The following KHDRBS2 variants were observed in gnomAD, a reference collection of about 807,000 sequenced individuals.
KHDRBS2 encodes the protein KH domain-containing, RNA-binding, signal transduction-associated protein 2.
In KHDRBS2, 26 loss-of-function variants were observed where a neutral mutation model predicts 44.3. The observed-to-expected ratio is 0.59, with a 90% confidence interval of 0.43 to 0.81. The LOEUF (loss-of-function observed/expected upper bound fraction) is 0.81. Among genes scored for constraint, KHDRBS2 ranks in the 40% least tolerant of loss-of-function variants. The probability of loss-of-function intolerance (pLI) is 0.00; values close to 1 mark genes in which losing one functional copy is unlikely to be tolerated. For synonymous variants in KHDRBS2, 194 were observed against 151.1 expected, an observed-to-expected ratio of 1.28 and a Z score of -2.08; for missense variants, 476 against 433.1, an observed-to-expected ratio of 1.10 and a Z score of -0.88.
chr6:62,138,708 A>G (rs1416411547), intron 2 of KHDRBS2, among the ~76,000 whole-genome samples: 1 of 152,232 alleles, frequency 6.6e-6, no homozygotes, highest in Non-Finnish European at 1.5e-5. Context: ...ATGAACTAGA[A>G]TTTATGAACC....
At chr6:61,955,710 A>ACATG (rs1554292569) in intron 4 of KHDRBS2, among the ~76,000 whole-genome samples, 1 of 106,950 alleles carries the variant, frequency 9.4e-6, no homozygotes, top group Non-Finnish European at 2.0e-5. Flanking sequence ...ATATATACAC[A>ACATG]TATGTATGTA....
chr6:61,695,648 C>T (rs1373440942), intron 8 of KHDRBS2, among the ~76,000 whole-genome samples: 1 of 151,976 alleles, frequency 6.6e-6, no homozygotes, highest in Non-Finnish European at 1.5e-5. Flanking sequence ...GTTCAGTTTC[C>T]TCATAAAAAT....
At chr6:62,244,647 C>A (rs865981314) in intron 1 of KHDRBS2, among the ~76,000 whole-genome samples, 1 of 151,924 alleles carries the variant, frequency 6.6e-6, no homozygotes, top group African/African-American at 2.4e-5. Flanking sequence ...AATTGAGTCA[C>A]CATAGTACCA....
chr6:61,798,498 A>G (rs1683761248), intron 6 of KHDRBS2, among the ~76,000 whole-genome samples: 1 of 152,156 alleles, frequency 6.6e-6, no homozygotes, highest in African/African-American at 2.4e-5. Flanking sequence ...TGGTTAGTTG[A>G]TAAGTATGAA....
At chr6:61,972,420 A>G (rs1771621865) in intron 4 of KHDRBS2, among the ~76,000 whole-genome samples, 1 of 152,196 alleles carries the variant, frequency 6.6e-6, no homozygotes, top group African/African-American at 2.4e-5. Flanking sequence ...GTGCTATAGC[A>G]CTATAGCAAT....
chr6:62,000,049 C>A (rs1584066642), intron 3 of KHDRBS2, among the ~76,000 whole-genome samples: 2 of 152,168 alleles, frequency 1.3e-5, no homozygotes, highest in South Asian at 4.1e-4. Flanking sequence ...CAGATAATGT[C>A]TTTACAGTTT....
chr6:62,149,617 A>G (rs1196547190), intron 2 of KHDRBS2, among the ~76,000 whole-genome samples: 1 of 152,204 alleles, frequency 6.6e-6, no homozygotes, highest in Non-Finnish European at 1.5e-5. Context: ...CTTAACAAAT[A>G]TTCATTAAAT....
intron 4 of KHDRBS2, among the ~76,000 whole-genome samples, chr6:61,915,736 T>C (rs1806876487): frequency 6.6e-6 from 1 of 152,038 alleles, no homozygotes; most frequent in Non-Finnish European, 1.5e-5. Context: ...AGAAAGATAA[T>C]GTTACAAAAA....
chr6:62,143,076 AC>A (rs1813198460), intron 2 of KHDRBS2, among the ~76,000 whole-genome samples: 1 of 151,938 alleles, frequency 6.6e-6, no homozygotes. Context: ...TAACAGAGTT[AC>A]CTTAAAGCTA....
chr6:61,863,573 T>C (rs1468136816), intron 6 of KHDRBS2, among the ~76,000 whole-genome samples: 2 of 152,182 alleles, frequency 1.3e-5, no homozygotes, highest in East Asian at 3.8e-4. Context: ...GAGCAGGTTG[T>C]TCATGTAGTT....
At chr6:61,877,544 T>C (rs1277227975) in intron 6 of KHDRBS2, among the ~76,000 whole-genome samples, 1 of 151,656 alleles carries the variant, frequency 6.6e-6, no homozygotes, top group Non-Finnish European at 1.5e-5. Context: ...CACACAAACC[T>C]ACACTGCTCC....
chr6:61,747,108 T>A (rs1466220924), intron 6 of KHDRBS2, among the ~76,000 whole-genome samples: 2 of 151,920 alleles, frequency 1.3e-5, no homozygotes, highest in Non-Finnish European at 2.9e-5. Context: ...AAGACATTTA[T>A]GTGGCCAACA....
At chr6:61,843,909 CG>C (rs1793977503) in intron 6 of KHDRBS2, among the ~76,000 whole-genome samples, 1 of 152,182 alleles carries the variant, frequency 6.6e-6, no homozygotes, top group African/African-American at 2.4e-5. Flanking sequence ...CTCTTTCTAT[CG>C]AATGAACCCT....
the KHDRBS2 span, among the ~76,000 whole-genome samples, chr6:61,554,888 G>T: frequency 6.6e-6 from 1 of 152,174 alleles, no homozygotes; most frequent in Non-Finnish European, 1.5e-5. Context: ...CTGTTAGCCT[G>T]ATGGGGTTCC....
chr6:62,074,505 G>T (rs762692151), intron 2 of KHDRBS2, among the ~76,000 whole-genome samples: 8 of 151,806 alleles, frequency 5.3e-5, no homozygotes, highest in Non-Finnish European at 8.8e-5. Flanking sequence ...GCTTTTGAGT[G>T]GCAAGCAGCC....
At chr6:62,200,302 G>T (rs531330478) in intron 1 of KHDRBS2, among the ~76,000 whole-genome samples, 5 of 152,130 alleles carry the variant, frequency 3.3e-5, no homozygotes, top group East Asian at 1.9e-4. Context: ...ACAGGCAACT[G>T]ACAGAATGGG....
chr6:61,769,882 T>A (rs535994159), intron 6 of KHDRBS2, among the ~76,000 whole-genome samples: 3 of 152,330 alleles, frequency 2.0e-5, no homozygotes, highest in Middle Eastern at 3.4e-3. Context: ...ATGGGCAGAC[T>A]GACTCCTCAA....
At chr6:61,983,933 C>T (rs898913969) in intron 3 of KHDRBS2, among the ~76,000 whole-genome samples, 2 of 152,176 alleles carry the variant, frequency 1.3e-5, no homozygotes, top group African/African-American at 4.8e-5. Flanking sequence ...CTACCATCTT[C>T]TTAATTTTGT....
chr6:61,897,726 TCTCTCTCTC>T (rs1328031439), intron 5 of KHDRBS2, among the ~76,000 whole-genome samples: 3 of 148,744 alleles, frequency 2.0e-5, no homozygotes, highest in Non-Finnish European at 3.0e-5. Flanking sequence ...TCTCTCTCTC[TCTCTCTCTC>T]AATCACTGTA....
Sources: gnomAD v4.1 joint callset for allele counts (sites outside exome capture counted in the v4.1 genomes callset) on GRCh38, gnomAD v4.1.1 for gene constraint, MANE v1.5 for transcripts, NCBI Gene and HGNC (gene_info 2026-07-23, HGNC 2026-07-21) for gene names.